The following SH2B3 variants were observed in gnomAD, a reference collection of about 807,000 sequenced individuals.
SH2B3 encodes SH2B adaptor protein 3.
A neutral mutation model predicts 51.9 loss-of-function variants in SH2B3; 43 were observed. The observed-to-expected ratio is 0.83, with a 90% confidence interval of 0.65 to 1.07. The LOEUF (loss-of-function observed/expected upper bound fraction) is 1.07. Ranked by LOEUF, SH2B3 falls within the 50% of genes least tolerant of loss-of-function variation. The pLI, the probability that SH2B3 is intolerant of heterozygous loss-of-function variation, is 0.00. For synonymous variants in SH2B3, 396 were observed against 376.0 expected (o/e 1.05, Z -0.62); for missense variants, 952 against 834.3 (o/e 1.14, Z -1.74).
chr12:111,429,414 C>T lies in SH2B3; in HGVS notation c.732+10537C>T, dbSNP rs1872282106. On this transcript the variant is annotated intron_variant, in intron 2 of 7. Coordinates refer to ENST00000341259, the MANE Select transcript of SH2B3 (RefSeq NM_005475.3). This position sits in a 1 kb window ranked among gnomAD's most constrained non-coding sequence, Gnocchi z 4.4. ...TGGTGTGATTTTGGCTCACTGCAAC[C>T]ACCGCCTCCAGGGTTCAAGCAATTC... Among the ~76,000 whole-genome samples, 1 of 152,174 alleles carries T rather than the reference C, an allele frequency of 6.6e-6. No individual in the cohort carries two copies. The highest frequency in any genetic ancestry group is 2.4e-5 in the African/African-American group (1 of 41,444).
In SH2B3 at chr12:111,438,760, C is replaced by T. The variant is rs1308784785; in HGVS notation, c.733-7993C>T. Among the ~76,000 whole-genome samples the T allele has an allele frequency of 1.3e-5, 2 of 152,116 alleles. No homozygotes were observed. The highest frequency in any genetic ancestry group is 4.8e-5 in the African/African-American group (2 of 41,410). On this transcript the variant is annotated intron_variant, in intron 2 of 7. Coordinates refer to ENST00000341259, the MANE Select transcript of SH2B3 (RefSeq NM_005475.3). The surrounding 1 kb of genome is among the most constrained non-coding windows in gnomAD (Gnocchi z 4.2). ...TTTAGATACTGTGGTCAGGGAGGGC[C>T]TCCCTGAGGAGATGACACTTTGAAA...
intron 2 of SH2B3, among the ~76,000 whole-genome samples, chr12:111,423,911 G>A (rs938700296): frequency 2.6e-5 from 4 of 152,300 alleles, no homozygotes; most frequent in South Asian, 4.1e-4. Flanking sequence ...TCAGGAGCTC[G>A]AGACCAGCCT....
At chr12:111,420,653 C>T (rs1871470956) in intron 2 of SH2B3, among the ~76,000 whole-genome samples, 1 of 152,130 alleles carries the variant, frequency 6.6e-6, no homozygotes, top group Non-Finnish European at 1.5e-5. Context: ...TTCATTCATT[C>T]GACAGATATT....
At chr12:111,413,076 G>A (rs1369598494) in intron 1 of SH2B3, among the ~76,000 whole-genome samples, 1 of 152,212 alleles carries the variant, frequency 6.6e-6, no homozygotes, top group Non-Finnish European at 1.5e-5. Flanking sequence ...GCACTGATCA[G>A]ACATTTTGGG....
Position 111,418,824 on chromosome 12 carries a change from G to A in SH2B3, c.679G>A (p.Ala227Thr). The change falls in exon 2 of 8, where the codon GCC becomes ACC. Residue 227 changes from alanine to threonine, a missense_variant. Transcript: ENST00000341259. This position sits in a 1 kb window ranked among gnomAD's most constrained non-coding sequence, Gnocchi z 6.7. ...GCGCGGGAGGCTGGCGCTGCGCCGG[G>A]CCCCGGGCCCCGATGGCCCCGACCG... Reference protein sequence around the residue: ...WQRGRLALRRAPGPDGPDRVL... With the variant: ...WQRGRLALRRTPGPDGPDRVL... 7.0e-7 allele frequency: 1 copy of A among 1,424,454 alleles called. No homozygotes were observed. Among genetic ancestry groups the A allele is most frequent in the Non-Finnish European group, 9.1e-7 (1 of 1,103,130 alleles). The allele number at this position is 1,424,454 out of a possible 1,614,324, so 88.2% of individuals were successfully genotyped here. A position where few individuals can be genotyped will look rare whatever the true frequency, so the allele number is the denominator to read the frequency against.
chr12:111,428,668 T>C (rs1164143323), intron 2 of SH2B3, among the ~76,000 whole-genome samples: 1 of 152,232 alleles, frequency 6.6e-6, no homozygotes, highest in South Asian at 2.1e-4. Context: ...GGGTGTCTGA[T>C]GAGTGACCCA....
Position 111,405,933 on chromosome 12 carries a change from G to A in SH2B3, c.-372G>A, listed in dbSNP as rs1350353728. ...GGCCGGTTCCTCTTTACATAACGGCGCGGGGCGGCATGGGCCCGGGCCACC... is the reference window on the plus strand; with the variant it reads ...GGCCGGTTCCTCTTTACATAACGGCACGGGGCGGCATGGGCCCGGGCCACC... On this transcript the variant is annotated 5_prime_UTR_variant, in exon 1 of 8. Transcript: ENST00000341259. The surrounding 1 kb of genome is among the most constrained non-coding windows in gnomAD (Gnocchi z 5.4). 3 of 151,826 alleles carry A rather than the reference G, an allele frequency of 2.0e-5. No individual in the cohort carries two copies. The highest frequency in any genetic ancestry group is 2.1e-4 in the South Asian group (1 of 4,828). 9.4% of individuals were successfully genotyped at this position (151,826 alleles called of 1,614,324 possible). A position where few individuals can be genotyped will look rare whatever the true frequency, so the allele number is the denominator to read the frequency against.
chr12:111,406,794 C>T lies in SH2B3; in HGVS notation c.-28+517C>T, dbSNP rs954710056. Among the ~76,000 whole-genome samples, 2 of 152,226 alleles carry T rather than the reference C, an allele frequency of 1.3e-5. No homozygotes were observed. Among genetic ancestry groups the T allele is most frequent in the Non-Finnish European group, 2.9e-5 (2 of 68,036 alleles). ...GCGCCCTGATTCAGGAAGCCCCTCT[C>T]CCCAGTTCCTGCACTGCCGAGGTCG... On this transcript the variant is annotated intron_variant, in intron 1 of 7. Coordinates refer to ENST00000341259, the MANE Select transcript of SH2B3 (RefSeq NM_005475.3). This position sits in a 1 kb window ranked among gnomAD's most constrained non-coding sequence, Gnocchi z 5.7.
At chr12:111,419,280 G>C (rs768996873) in intron 2 of SH2B3, among the ~76,000 whole-genome samples, 3 of 152,000 alleles carry the variant, frequency 2.0e-5, no homozygotes, top group Non-Finnish European at 2.9e-5. Context: ...TCCAGGCCTG[G>C]GTGACGGAGT....
Position 111,409,139 on chromosome 12 carries a change from C to T in SH2B3, c.-28+2862C>T, listed in dbSNP as rs946507350. 1.3e-5 allele frequency among the ~76,000 whole-genome samples: 2 copies of T among 152,280 alleles called. No individual in the cohort carries two copies. The highest frequency in any genetic ancestry group is 3.9e-4 in the East Asian group (2 of 5,174). On this transcript the variant is annotated intron_variant, in intron 1 of 7. Coordinates refer to ENST00000341259, the MANE Select transcript of SH2B3 (RefSeq NM_005475.3). The surrounding 1 kb of genome is among the most constrained non-coding windows in gnomAD (Gnocchi z 4.0). Reference sequence around the variant, plus strand: ...TGGAAGCCAAGAGTTCCAGCCTCCCCAGGGTTGGGTGTGTGAAGTACAGTG... The same window carrying T: ...TGGAAGCCAAGAGTTCCAGCCTCCCTAGGGTTGGGTGTGTGAAGTACAGTG...
intron 2 of SH2B3, among the ~76,000 whole-genome samples, chr12:111,422,789 T>G (rs943637876): frequency 6.6e-6 from 1 of 152,086 alleles, no homozygotes; most frequent in African/African-American, 2.4e-5. Flanking sequence ...CTTGAACTCC[T>G]GACCTCGTGA....
intron 2 of SH2B3, among the ~76,000 whole-genome samples, chr12:111,423,166 T>G: frequency 6.6e-6 from 1 of 152,090 alleles, no homozygotes; most frequent in East Asian, 1.9e-4. Context: ...AGCGGGGAAG[T>G]ACATGTGGGT....
chr12:111,444,112 T>C (rs1363209228), intron 2 of SH2B3: 1 of 152,146 alleles, frequency 6.6e-6, no homozygotes, highest in African/African-American at 2.4e-5. Context: ...GGAGAATCGC[T>C]TGAACTCAGG....
chr12:111,405,134 C>T (rs1473710705), upstream of SH2B3, among the ~76,000 whole-genome samples: 1 of 152,192 alleles, frequency 6.6e-6, no homozygotes, highest in Admixed American at 6.5e-5. The surrounding 1 kb of genome is among the most constrained non-coding windows in gnomAD (Gnocchi z 5.4). Context: ...TGTAAGTAGC[C>T]CGGGGGCGGG....
rs771585812 is a variant in SH2B3, at chr12:111,447,553, T to C, written c.1236+9T>C. ...TTCAGGGGATAGCCAAGGTATGGGGTGGGGTGGGGTGGGGTGGGGCAGGCA... is the reference window on the plus strand; with the variant it reads ...TTCAGGGGATAGCCAAGGTATGGGGCGGGGTGGGGTGGGGTGGGGCAGGCA... On this transcript the variant is annotated intron_variant, in intron 6 of 7. Transcript: ENST00000341259. The C allele has an allele frequency of 5.3e-6, 1 of 188,584 alleles. No homozygotes were observed. The highest frequency in any genetic ancestry group is 3.7e-5 in the South Asian group (1 of 27,224). 11.7% of individuals were successfully genotyped at this position (188,584 alleles called of 1,614,324 possible).
rs1593028477 is a variant in SH2B3 at position 111,411,618 on chromosome 12, GC to G, written c.-28+5343del. ...CTCACCGACTTGGTGGCTCCAGGGTGCCTGGGGCTGGCTGTGCTTCTTGGGG... is the reference window on the plus strand; with the variant it reads ...CTCACCGACTTGGTGGCTCCAGGGTGCTGGGGCTGGCTGTGCTTCTTGGGG... On this transcript the variant is annotated intron_variant, in intron 1 of 7. Coordinates refer to ENST00000341259, the MANE Select transcript of SH2B3 (RefSeq NM_005475.3). Among the ~76,000 whole-genome samples the G allele has an allele frequency of 5.9e-5, 9 of 152,284 alleles. No individual in the cohort carries two copies. In the East Asian group the frequency reaches 1.7e-3, roughly 29 times the overall value.
At chr12:111,411,045 A>G (rs895766903) in intron 1 of SH2B3, among the ~76,000 whole-genome samples, 1 of 151,982 alleles carries the variant, frequency 6.6e-6, no homozygotes, top group Non-Finnish European at 1.5e-5. Flanking sequence ...GACTGGCCCA[A>G]TTTAACTTCA....
chr12:111,440,018 G>C (rs968356407), intron 2 of SH2B3, among the ~76,000 whole-genome samples: 32 of 152,172 alleles, frequency 2.1e-4, no homozygotes, highest in Non-Finnish European at 1.5e-5. Context: ...CTGGCATCTG[G>C]GGGGAAGATG....
At chr12:111,428,010 G>A in intron 2 of SH2B3, among the ~76,000 whole-genome samples, 1 of 152,218 alleles carries the variant, frequency 6.6e-6, no homozygotes, top group South Asian at 2.1e-4. Flanking sequence ...CTGCCCCTGT[G>A]AGCAGTGAGT....
Sources: gnomAD v4.1 joint callset for allele counts (sites outside exome capture counted in the v4.1 genomes callset) on GRCh38, gnomAD v4.1.1 for gene constraint, Gnocchi (gnomAD v3.1) non-coding constraint, MANE v1.5 for transcripts, NCBI Gene and HGNC (gene_info 2026-07-23, HGNC 2026-07-21) for gene names.